PCDHA13: variants seen among roughly 807,000 people sequenced by gnomAD.
PCDHA13 encodes the protein protocadherin alpha-13.
A neutral mutation model predicts 64.8 loss-of-function variants in PCDHA13; 54 were observed. That is an observed-to-expected ratio of 0.83 (90% CI 0.67 to 1.04). PCDHA13 has a LOEUF of 1.04. Among genes scored for constraint, PCDHA13 ranks in the 50% least tolerant of loss-of-function variants. The pLI is 0.00. For synonymous variants in PCDHA13, 587 were observed against 564.4 expected (o/e 1.04, Z -0.57); for missense variants, 1,248 against 1,254.3 (o/e 0.99, Z 0.08).
intron 1 of PCDHA13, among the ~76,000 whole-genome samples, chr5:140,946,813 G>T (rs2094033515): frequency 6.6e-6 from 1 of 151,408 alleles, no homozygotes; most frequent in South Asian, 2.1e-4. Flanking sequence ...GTATAACAGT[G>T]ATTACCAGAG....
intron 1 of PCDHA13, among the ~76,000 whole-genome samples, chr5:140,911,222 T>G (rs2075377398): frequency 6.6e-6 from 1 of 152,204 alleles, no homozygotes; most frequent in African/African-American, 2.4e-5. Flanking sequence ...ATGAGAAAGC[T>G]GTTTCTTCTG....
chr5:140,969,148 G>T, intron 1 of PCDHA13: 1 of 1,614,102 alleles, frequency 6.2e-7, no homozygotes. Flanking sequence ...ACTGCTACAA[G>T]GCCTGTCTGA....
intron 1 of PCDHA13, among the ~76,000 whole-genome samples, chr5:140,887,041 A>G (rs1166286264): frequency 6.6e-6 from 1 of 152,026 alleles, no homozygotes; most frequent in African/African-American, 2.4e-5. Flanking sequence ...AATATTTTTT[A>G]TAGTGCATAT....
chr5:140,946,611 A>AATATATATATAT lies in PCDHA13; in HGVS notation c.2395-32328_2395-32317dup, dbSNP rs1554217734. 3.4e-3 allele frequency among the ~76,000 whole-genome samples: 291 copies of AATATATATATAT among 86,770 alleles called. 7 individuals carry two copies. The highest frequency in any genetic ancestry group is 4.0e-3 in the Non-Finnish European group (186 of 46,640). 56.9% of individuals were successfully genotyped at this position (86,770 alleles called of 152,430 possible). A position where few individuals can be genotyped will look rare whatever the true frequency, so the allele number is the denominator to read the frequency against. On this transcript the variant is annotated intron_variant, in intron 1 of 3. Coordinates refer to ENST00000289272, the MANE Select transcript of PCDHA13 (RefSeq NM_018904.3). ...GGATGAATAGATAAAGAAAATGTGA[A>AATATATATATAT]ATATATATATATATATATATACAAT...
At position 141,010,070 on chromosome 5, in the gene PCDHA13, C is replaced by A. The variant is rs1331011642; in HGVS notation, c.*133C>A. The A allele has an allele frequency of 3.7e-5, 60 of 1,605,422 alleles. No individual in the cohort carries two copies. Among genetic ancestry groups the A allele is most frequent in the Non-Finnish European group, 5.0e-5 (59 of 1,175,768 alleles). ...AGACCTCAGAAATCTGCAGAAAGTT[C>A]CCTGTGTCTGTCTAGAACGCATTTA... is the stretch of plus-strand genomic sequence containing the variant. On this transcript the variant is annotated 3_prime_UTR_variant, in exon 4 of 4. Coordinates refer to ENST00000289272, the MANE Select transcript of PCDHA13 (RefSeq NM_018904.3).
At chr5:140,983,621 A>G (rs1271083054) in intron 3 of PCDHA13, among the ~76,000 whole-genome samples, 5 of 152,250 alleles carry the variant, frequency 3.3e-5, no homozygotes, top group African/African-American at 1.2e-4. Flanking sequence ...CAGAGAGATT[A>G]AGAAATGTAC....
chr5:140,968,739 T>C, intron 1 of PCDHA13: 1 of 1,614,192 alleles, frequency 6.2e-7, no homozygotes, highest in South Asian at 1.1e-5. Context: ...ACTTTCAACC[T>C]GACCGTGGTG....
rs200197885 is a variant in PCDHA13 at position 140,883,642 on chromosome 5, C to T, written c.1374C>T (p.Pro458=). 1 of 1,613,904 alleles carries T rather than the reference C, an allele frequency of 6.2e-7. No individual in the cohort carries two copies. The highest frequency in any genetic ancestry group is 1.1e-5 in the South Asian group (1 of 91,076). The change falls in exon 1 of 4, where the codon CCC becomes CCT. Residue 458 remains proline, a synonymous_variant. Transcript: ENST00000289272. The stretch of plus-strand genomic sequence containing the variant: ...ACAACGCGCCGGCGTTCGCGCAGCC[C>T]GAGTACACGGTGTTCGTGAAGGAAA... ...VNDNAPAFAQ[P]EYTVFVKENN...
At chr5:140,904,206 C>T (rs2070944708) in intron 1 of PCDHA13, among the ~76,000 whole-genome samples, 1 of 151,882 alleles carries the variant, frequency 6.6e-6, no homozygotes, top group South Asian at 2.1e-4. Flanking sequence ...CCCCTAAGTC[C>T]CCAAAGTCCA....
chr5:140,975,139 C>G (rs2096655397), intron 1 of PCDHA13, among the ~76,000 whole-genome samples: 1 of 152,154 alleles, frequency 6.6e-6, no homozygotes, highest in Non-Finnish European at 1.5e-5. Flanking sequence ...GGCCTGGGGT[C>G]ACTCTCAGTT....
At chr5:140,930,814 T>A (rs1554208117) in intron 1 of PCDHA13, among the ~76,000 whole-genome samples, 1 of 152,210 alleles carries the variant, frequency 6.6e-6, no homozygotes, top group Non-Finnish European at 1.5e-5. Flanking sequence ...AAGATATGCT[T>A]AGTAAATGCT....
At chr5:141,002,014 C>T (rs1025365420) in intron 3 of PCDHA13, among the ~76,000 whole-genome samples, 1 of 152,220 alleles carries the variant, frequency 6.6e-6, no homozygotes, top group Non-Finnish European at 1.5e-5. Context: ...AGAATCTGCA[C>T]AGCCTTCGGT....
chr5:140,925,424 T>C (rs1554202738), intron 1 of PCDHA13, among the ~76,000 whole-genome samples: 1 of 152,038 alleles, frequency 6.6e-6, no homozygotes, highest in Non-Finnish European at 1.5e-5. Context: ...GAACTGGTTG[T>C]AGGGTGTTAG....
At chr5:140,949,360 T>G (rs1178484553) in intron 1 of PCDHA13, among the ~76,000 whole-genome samples, 1 of 151,868 alleles carries the variant, frequency 6.6e-6, no homozygotes, top group South Asian at 2.1e-4. Context: ...TTTATTTTTT[T>G]GTCTAGTTGT....
chr5:140,992,377 A>T (rs1258714441), intron 3 of PCDHA13, among the ~76,000 whole-genome samples: 1 of 152,150 alleles, frequency 6.6e-6, no homozygotes, highest in African/African-American at 2.4e-5. Flanking sequence ...CCATTACATT[A>T]TTGTGTTCTG....
chr5:140,958,484 G>T (rs246009), intron 1 of PCDHA13, among the ~76,000 whole-genome samples: 1 of 151,754 alleles, frequency 6.6e-6, no homozygotes, highest in Non-Finnish European at 1.5e-5. Flanking sequence ...AGAGCACTAA[G>T]TCCACATATC....
At chr5:140,969,588 T>A in intron 1 of PCDHA13, 1 of 849,870 alleles carries the variant, frequency 1.2e-6, no homozygotes, top group Non-Finnish European at 1.8e-6. Context: ...GGATTAGTCT[T>A]AATATTTAAT....
chr5:140,990,427 AC>A (rs1488981685), intron 3 of PCDHA13, among the ~76,000 whole-genome samples: 5 of 152,174 alleles, frequency 3.3e-5, no homozygotes, highest in African/African-American at 1.2e-4. Flanking sequence ...ACCAGCATTG[AC>A]CCAATCTTGT....
At chr5:140,943,266 AAAAAAAAAAAAG>A (rs2093453056) in intron 1 of PCDHA13, among the ~76,000 whole-genome samples, 1 of 150,226 alleles carries the variant, frequency 6.7e-6, no homozygotes, top group African/African-American at 2.5e-5. Context: ...TCAAAAAAAA[AAAAAAAAAAAAG>A]AAAGAAAGAA....
Sources: allele counts gnomAD v4.1 joint callset (sites outside exome capture counted in the v4.1 genomes callset), GRCh38; gene constraint gnomAD v4.1.1; transcripts MANE v1.5; gene names NCBI Gene and HGNC (gene_info 2026-07-23, HGNC 2026-07-21).